Variants in KLF7 observed in about 807,000 individuals in gnomAD.
KLF7 encodes Krueppel-like factor 7.
KLF7 carries 2 observed loss-of-function variants against 27.3 expected under a neutral mutation model. The observed-to-expected ratio is 0.07, with a 90% CI of 0.03 to 0.23. KLF7 has a LOEUF of 0.23. Ranked by LOEUF, KLF7 falls within the 10% of genes least tolerant of loss-of-function variation. The pLI, the probability that KLF7 is intolerant of heterozygous loss-of-function variation, is 1.00. For synonymous variants in KLF7, 165 were observed against 162.4 expected (o/e 1.02, Z -0.12); for missense variants, 221 against 394.1 (o/e 0.56, Z 3.72).
Position 207,123,927 on chromosome 2 carries a change from C to G in KLF7, c.580G>C (p.Val194Leu). The change falls in exon 2 of 4, where the codon GTT becomes CTT. Residue 194 changes from valine (V) to leucine (L), a missense_variant. Transcript: ENST00000309446. ...TCACTGTCGCTCTGTCCACTCTTAA[C>G]GGCCCCCGCAGCCGTCACGGCTGCT... ...AAAAVTAAGA[V>L]KSGQSDSDQG... is the part of the protein sequence containing the mutation. 1 of 1,614,074 alleles carries G rather than the reference C, an allele frequency of 6.2e-7. No homozygotes were observed. Among genetic ancestry groups the G allele is most frequent in the Non-Finnish European group, 8.5e-7 (1 of 1,180,044 alleles).
chr2:207,145,842 CA>C (rs1329778462), intron 1 of KLF7, among the ~76,000 whole-genome samples: 1 of 152,004 alleles, frequency 6.6e-6, no homozygotes, highest in Non-Finnish European at 1.5e-5. Flanking sequence ...AGAAGGACCC[CA>C]GGAAAGGAAG....
At chr2:207,115,359 TAGGGTGAACAGAAATATGGAACAA>T (rs1470952664) in intron 2 of KLF7, among the ~76,000 whole-genome samples, 1 of 152,142 alleles carries the variant, frequency 6.6e-6, no homozygotes, top group African/African-American at 2.4e-5. Flanking sequence ...AAGGAGAAGG[TAGGGTGAACAGAAATATGGAACAA>T]AGCATGCTAA....
intron 2 of KLF7, among the ~76,000 whole-genome samples, chr2:207,099,551 G>T (rs189359268): frequency 0.057 from 3,241 of 57,180 alleles, 188 homozygotes; most frequent in Non-Finnish European, 0.08. Flanking sequence ...CTACATATGC[G>T]ATATATATAT....
At chr2:207,110,657 T>C (rs2077011664) in intron 2 of KLF7, among the ~76,000 whole-genome samples, 2 of 152,226 alleles carry the variant, frequency 1.3e-5, no homozygotes, top group Non-Finnish European at 2.9e-5. Context: ...ATCACGAATC[T>C]TCAATCTAGA....
chr2:207,107,376 T>C (rs1314451824), intron 2 of KLF7, among the ~76,000 whole-genome samples: 2 of 152,176 alleles, frequency 1.3e-5, no homozygotes, highest in African/African-American at 4.8e-5. Flanking sequence ...CCAATCTTTT[T>C]TGTTTTAGGA....
At chr2:207,116,350 G>T (rs1283798821) in intron 2 of KLF7, among the ~76,000 whole-genome samples, 1 of 152,090 alleles carries the variant, frequency 6.6e-6, no homozygotes, top group Admixed American at 6.5e-5. Flanking sequence ...TTTTTCATCT[G>T]TCCTTATATT....
upstream of KLF7, among the ~76,000 whole-genome samples, chr2:207,171,026 AC>A (rs1273112924): frequency 2.0e-5 from 3 of 150,068 alleles, no homozygotes; most frequent in East Asian, 5.8e-4. Context: ...TAAATTAACA[AC>A]CTTCTGAAAA....
intron 1 of KLF7, chr2:207,134,269 A>AC: frequency 1.5e-6 from 1 of 648,152 alleles, no homozygotes; most frequent in East Asian, 2.8e-5. Flanking sequence ...CCCCATAAAA[A>AC]ACACACAGAC....
At chr2:207,155,027 C>T (rs2078344162) in intron 1 of KLF7, among the ~76,000 whole-genome samples, 1 of 152,214 alleles carries the variant, frequency 6.6e-6, no homozygotes, top group Non-Finnish European at 1.5e-5. Context: ...ACCTAAAGAG[C>T]AGTCAGTATA....
At chr2:207,169,366 C>T (rs1386668070), upstream of KLF7, among the ~76,000 whole-genome samples, 8 of 152,130 alleles carry the variant, frequency 5.3e-5, no homozygotes, top group African/African-American at 1.9e-4. Flanking sequence ...GCTGTTTCCA[C>T]CAGTAAAGTT....
At chr2:207,096,943 T>G (rs1427331785) in intron 2 of KLF7, among the ~76,000 whole-genome samples, 1 of 152,214 alleles carries the variant, frequency 6.6e-6, no homozygotes, top group South Asian at 2.1e-4. Flanking sequence ...CTCAAACTTA[T>G]TAGAATTCCC....
chr2:207,107,377 TG>T (rs1379478603), intron 2 of KLF7, among the ~76,000 whole-genome samples: 1 of 152,186 alleles, frequency 6.6e-6, no homozygotes, highest in Non-Finnish European at 1.5e-5. Context: ...CAATCTTTTT[TG>T]TTTTAGGAGC....
chr2:207,082,829 CT>C (rs2076304059), intron 3 of KLF7, among the ~76,000 whole-genome samples: 1 of 152,178 alleles, frequency 6.6e-6, no homozygotes, highest in Admixed American at 6.5e-5. Context: ...TTTGTTCATT[CT>C]TAAAACAAAC....
At chr2:207,158,236 A>G (rs904188844) in intron 1 of KLF7, among the ~76,000 whole-genome samples, 7 of 152,186 alleles carry the variant, frequency 4.6e-5, no homozygotes, top group African/African-American at 1.4e-4. Flanking sequence ...TAACTGGGGA[A>G]AAACTGGGGC....
intron 2 of KLF7, among the ~76,000 whole-genome samples, chr2:207,117,399 T>C (rs565533907): frequency 5.9e-4 from 90 of 152,344 alleles, no homozygotes; most frequent in African/African-American, 2.1e-3. Context: ...CTCTTGAATA[T>C]GCTAAATCCA....
intron 1 of KLF7, among the ~76,000 whole-genome samples, chr2:207,141,386 G>GTC (rs1014471533): frequency 2.0e-5 from 3 of 152,040 alleles, no homozygotes; most frequent in African/African-American, 7.3e-5. Flanking sequence ...CCTCTAAAAG[G>GTC]TAACACATCT....
intron 1 of KLF7, among the ~76,000 whole-genome samples, chr2:207,138,634 A>T (rs2077853496): frequency 6.6e-6 from 1 of 152,208 alleles, no homozygotes; most frequent in Admixed American, 6.5e-5. Context: ...AGTGGTCCAA[A>T]TTAAGAATTC....
rs546957081 is a variant in KLF7, at chr2:207,137,346, C to T, written c.103-12942G>A. 5.9e-5 allele frequency among the ~76,000 whole-genome samples: 9 copies of T among 152,296 alleles called. No individual in the cohort carries two copies. In the East Asian group the frequency reaches 9.6e-4, roughly 16 times the overall value. ...TCAAACCTAGCAGTTGGCGAGGACT[C>T]GTGTTTTCTGTAAGCCCCACACACC... is the stretch of plus-strand genomic sequence containing the variant. On this transcript the variant is annotated intron_variant, in intron 1 of 3. Coordinates refer to ENST00000309446, the MANE Select transcript of KLF7 (RefSeq NM_003709.4).
At chr2:207,120,616 G>GT (rs888203675) in intron 2 of KLF7, among the ~76,000 whole-genome samples, 2 of 152,108 alleles carry the variant, frequency 1.3e-5, no homozygotes, top group African/African-American at 4.8e-5. Context: ...CTGAATTAAA[G>GT]TGAGTCCTGG....
Sources: gnomAD v4.1 joint callset for allele counts (sites outside exome capture counted in the v4.1 genomes callset) on GRCh38, gnomAD v4.1.1 for gene constraint, MANE v1.5 for transcripts, NCBI Gene and HGNC (gene_info 2026-07-23, HGNC 2026-07-21) for gene names.